PPP1R9A: variants seen among roughly 807,000 people sequenced by gnomAD.
PPP1R9A encodes the protein protein phosphatase 1 regulatory subunit 9A, also known as neurabin-1.
Under a neutral mutation model 141.9 loss-of-function variants are expected in PPP1R9A, and 59 were observed. The ratio of observed to expected loss-of-function variants is 0.42; its 90% CI spans 0.34 to 0.52. The LOEUF is 0.52. Ranked by LOEUF, PPP1R9A falls within the 20% of genes least tolerant of loss-of-function variation. The pLI is 0.10. For synonymous variants in PPP1R9A, 500 were observed against 569.7 expected (o/e 0.88, Z 1.74); for missense variants, 1,444 against 1,611.9 (o/e 0.90, Z 1.78).
chr7:94,956,689 C>A (rs1797109233), intron 2 of PPP1R9A, among the ~76,000 whole-genome samples: 1 of 151,966 alleles, frequency 6.6e-6, no homozygotes, highest in South Asian at 2.1e-4. Flanking sequence ...GCCTGGGCAA[C>A]AGGGTGAGAC....
intron 4 of PPP1R9A, among the ~76,000 whole-genome samples, chr7:95,137,395 C>T (rs1825844338): frequency 7.7e-6 from 1 of 130,550 alleles, no homozygotes; most frequent in African/African-American, 3.1e-5. Flanking sequence ...TCATCCATGT[C>T]CCTACAAAGG....
rs555306113 is a variant in PPP1R9A, at chr7:95,082,608, C to T, written c.1396-28651C>T. Among the ~76,000 whole-genome samples the T allele has an allele frequency of 1.2e-3, 175 of 151,644 alleles. 4 individuals carry two copies. The highest frequency in any genetic ancestry group is 3.9e-3 in the African/African-American group (162 of 41,182). On this transcript the variant is annotated intron_variant, in intron 2 of 19. Transcript: ENST00000433360. ...ATTTAAAATGAGCATGGCATGGGGG[C>T]GTGTGCCTGTAATTCCAGCTACCTG...
intron 2 of PPP1R9A, among the ~76,000 whole-genome samples, chr7:94,998,655 T>G (rs2151494091): frequency 6.6e-6 from 1 of 152,358 alleles, no homozygotes; most frequent in Middle Eastern, 3.4e-3. Context: ...TAGTTTATAT[T>G]AAATCCAGTC....
intron 2 of PPP1R9A, among the ~76,000 whole-genome samples, chr7:95,041,286 G>T (rs560115402): frequency 6.2e-4 from 94 of 152,268 alleles, no homozygotes; most frequent in Non-Finnish European, 9.7e-4. Context: ...CCCTGCGTCT[G>T]TTTGTAATCT....
At chr7:95,159,253 C>A (rs1254554776) in intron 4 of PPP1R9A, among the ~76,000 whole-genome samples, 1 of 152,072 alleles carries the variant, frequency 6.6e-6, no homozygotes, top group African/African-American at 2.4e-5. Flanking sequence ...ATGGTTAAAT[C>A]TCAAATGTAA....
chr7:95,092,440 G>A (rs779328271), intron 2 of PPP1R9A, among the ~76,000 whole-genome samples: 2 of 151,086 alleles, frequency 1.3e-5, no homozygotes, highest in Non-Finnish European at 2.9e-5. Flanking sequence ...CTAAATACCA[G>A]TGCTTACAGT....
At chr7:95,123,413 C>T (rs1822982830) in intron 4 of PPP1R9A, among the ~76,000 whole-genome samples, 1 of 152,186 alleles carries the variant, frequency 6.6e-6, no homozygotes, top group Non-Finnish European at 1.5e-5. Context: ...CTTTGGGAGG[C>T]TGAGGCAGGT....
chr7:95,132,665 T>C (rs1199408151), intron 4 of PPP1R9A, among the ~76,000 whole-genome samples: 2 of 152,026 alleles, frequency 1.3e-5, no homozygotes, highest in Admixed American at 6.5e-5. Flanking sequence ...GTCTCTTTGC[T>C]CAGGCTCACT....
At chr7:95,008,429 A>G (rs1178984841) in intron 2 of PPP1R9A, among the ~76,000 whole-genome samples, 2 of 152,202 alleles carry the variant, frequency 1.3e-5, no homozygotes, top group Non-Finnish European at 2.9e-5. Flanking sequence ...AATCAGCCTT[A>G]TTGTGGGATT....
intron 2 of PPP1R9A, among the ~76,000 whole-genome samples, chr7:94,993,256 A>G (rs1459662163): frequency 1.3e-5 from 2 of 151,966 alleles, no homozygotes; most frequent in Admixed American, 6.6e-5. Context: ...ATTCTGTTCC[A>G]TTGATCTATT....
chr7:94,991,627 T>A (rs1801524398), intron 2 of PPP1R9A, among the ~76,000 whole-genome samples: 1 of 152,058 alleles, frequency 6.6e-6, no homozygotes, highest in Non-Finnish European at 1.5e-5. Flanking sequence ...CTTTCCTTTT[T>A]ATTTTCACCA....
intron 2 of PPP1R9A, among the ~76,000 whole-genome samples, chr7:94,993,019 C>G (rs1801713729): frequency 6.6e-6 from 1 of 150,910 alleles, no homozygotes. Context: ...TTTAGTTTTA[C>G]TTTTAAGTAT....
intron 5 of PPP1R9A, among the ~76,000 whole-genome samples, chr7:95,165,776 T>TA (rs1831144635): frequency 6.6e-6 from 1 of 152,082 alleles, no homozygotes; most frequent in South Asian, 2.1e-4. Flanking sequence ...AAAGAGATCT[T>TA]ACAGTGATTG....
intron 2 of PPP1R9A, among the ~76,000 whole-genome samples, chr7:94,985,798 C>T (rs1310765771): frequency 6.6e-6 from 1 of 151,920 alleles, no homozygotes; most frequent in Non-Finnish European, 1.5e-5. Context: ...CTCTATTACT[C>T]TATAAAAAAA....
At chr7:94,907,585 C>T (rs1196563739), upstream of PPP1R9A, 3 of 152,212 alleles carry the variant, frequency 2.0e-5, no homozygotes, top group Non-Finnish European at 4.4e-5. Flanking sequence ...GGCCTCGCCT[C>T]GGGCCGGTGC....
At chr7:95,118,284 G>A (rs1279166241) in intron 3 of PPP1R9A, among the ~76,000 whole-genome samples, 5 of 152,188 alleles carry the variant, frequency 3.3e-5, no homozygotes, top group Non-Finnish European at 5.9e-5. Flanking sequence ...TCCTCTTGAT[G>A]AAATCAGTCT....
At chr7:95,170,589 TAA>T (rs1831954917) in intron 5 of PPP1R9A, among the ~76,000 whole-genome samples, 1 of 151,520 alleles carries the variant, frequency 6.6e-6, no homozygotes, top group Non-Finnish European at 1.5e-5. Flanking sequence ...AATAATAATT[TAA>T]AAGTTTTGAA....
intron 5 of PPP1R9A, among the ~76,000 whole-genome samples, chr7:95,169,025 T>C (rs374255415): frequency 6.6e-6 from 1 of 152,060 alleles, no homozygotes; most frequent in Admixed American, 6.5e-5. Flanking sequence ...CCAGCAGTCC[T>C]GCTACTAAGT....
At chr7:95,102,655 G>A (rs907792571) in intron 2 of PPP1R9A, among the ~76,000 whole-genome samples, 1 of 152,240 alleles carries the variant, frequency 6.6e-6, no homozygotes, top group Admixed American at 6.5e-5. Context: ...TTCTAAGCTA[G>A]GAGTTTAAGT....
Sources: gnomAD v4.1 joint callset for allele counts (sites outside exome capture counted in the v4.1 genomes callset) on GRCh38, gnomAD v4.1.1 for gene constraint, MANE v1.5 for transcripts, NCBI Gene and HGNC (gene_info 2026-07-23, HGNC 2026-07-21) for gene names.